ZFPM2: variants seen among roughly 807,000 people sequenced by gnomAD.
ZFPM2 encodes the protein zinc finger protein, FOG family member 2.
A neutral mutation model predicts 98.6 loss-of-function variants in ZFPM2; 20 were observed. The ratio of observed to expected loss-of-function variants is 0.20; its 90% CI spans 0.14 to 0.29. The LOEUF is 0.29. Ranked by LOEUF, ZFPM2 falls within the 10% of genes least tolerant of loss-of-function variation. ZFPM2 has a pLI of 1.00. For synonymous variants in ZFPM2, 518 were observed against 502.7 expected (o/e 1.03, Z -0.41); for missense variants, 1,310 against 1,388.6 (o/e 0.94, Z 0.90).
At chr8:105,735,932 T>G (rs1812060258) in intron 5 of ZFPM2, among the ~76,000 whole-genome samples, 3 of 152,006 alleles carry the variant, frequency 2.0e-5, no homozygotes, top group Admixed American at 2.0e-4. Context: ...TAGCTCCTTT[T>G]CAAAAATTTA....
At chr8:105,444,087 A>G (rs1264356586) in intron 2 of ZFPM2, among the ~76,000 whole-genome samples, 193 bp from the exon 3 acceptor site, 2 of 152,232 alleles carry the variant, frequency 1.3e-5, no homozygotes, top group Non-Finnish European at 2.9e-5. Flanking sequence ...TTTATTGATA[A>G]CAAATACTGA....
intron 1 of ZFPM2, among the ~76,000 whole-genome samples, chr8:105,404,874 C>G (rs1811410639): frequency 6.6e-6 from 1 of 151,996 alleles, no homozygotes; most frequent in Admixed American, 6.6e-5. Context: ...TAAGTAAAAA[C>G]AAATCCAAAA....
intron 5 of ZFPM2, among the ~76,000 whole-genome samples, chr8:105,785,772 G>A (rs1813396740): frequency 6.6e-6 from 1 of 151,876 alleles, no homozygotes; most frequent in South Asian, 2.1e-4. Context: ...GCCGGGCTTG[G>A]TGGCTCACGC....
intron 4 of ZFPM2, among the ~76,000 whole-genome samples, chr8:105,630,672 AC>A (rs1397322348): frequency 6.6e-6 from 1 of 152,210 alleles, no homozygotes; most frequent in African/African-American, 2.4e-5. Flanking sequence ...TGAATTGATT[AC>A]TTTTATATTT....
chr8:105,455,017 G>T (rs1195566009), intron 3 of ZFPM2, among the ~76,000 whole-genome samples: 1 of 152,146 alleles, frequency 6.6e-6, no homozygotes, highest in African/African-American at 2.4e-5. Flanking sequence ...CTGGGATTTG[G>T]TACAAGTTGA....
chr8:105,382,943 T>C (rs1467363106), intron 1 of ZFPM2, among the ~76,000 whole-genome samples: 3 of 152,132 alleles, frequency 2.0e-5, no homozygotes, highest in Non-Finnish European at 2.9e-5. Flanking sequence ...TTTGGAAATC[T>C]AATATCTAGT....
chr8:105,662,962 C>G (rs1050961143), intron 5 of ZFPM2: 3 of 152,054 alleles, frequency 2.0e-5, no homozygotes, highest in Non-Finnish European at 4.4e-5. Flanking sequence ...AGACAACACT[C>G]GAAGAATGTT....
chr8:105,336,317 A>G (rs576236838), intron 1 of ZFPM2, among the ~76,000 whole-genome samples: 1 of 151,768 alleles, frequency 6.6e-6, no homozygotes, highest in Non-Finnish European at 1.5e-5. Context: ...TAAATCGTTT[A>G]GAACAGCACC....
intron 2 of ZFPM2, among the ~76,000 whole-genome samples, chr8:105,435,016 A>G (rs144190345): frequency 2.6e-5 from 4 of 152,166 alleles, no homozygotes; most frequent in East Asian, 1.9e-4. Flanking sequence ...TGCTTTTACT[A>G]TCTTACCAAC....
At chr8:105,602,264 T>G (rs1816108162) in intron 4 of ZFPM2, among the ~76,000 whole-genome samples, 1 of 152,070 alleles carries the variant, frequency 6.6e-6, no homozygotes, top group Admixed American at 6.6e-5. Context: ...TTGGTGACAA[T>G]ATAAACTGCC....
chr8:105,521,996 CAAATG>C (rs1349707439), intron 3 of ZFPM2, among the ~76,000 whole-genome samples: 2 of 152,238 alleles, frequency 1.3e-5, no homozygotes, highest in Non-Finnish European at 2.9e-5. Context: ...TAAAAAAAGA[CAAATG>C]AAAGAGTAGT....
At chr8:105,592,172 A>G (rs1255575550) in intron 4 of ZFPM2, among the ~76,000 whole-genome samples, 1 of 152,108 alleles carries the variant, frequency 6.6e-6, no homozygotes, top group East Asian at 1.9e-4. Context: ...AAGCAAAACT[A>G]TCAAAAGGTC....
chr8:105,523,737 C>A (rs1814111874), intron 3 of ZFPM2, among the ~76,000 whole-genome samples: 1 of 152,174 alleles, frequency 6.6e-6, no homozygotes, highest in South Asian at 2.1e-4. Context: ...ATACCACAGG[C>A]ATTTAGTTGC....
chr8:105,337,448 A>G (rs1453879689), intron 1 of ZFPM2, among the ~76,000 whole-genome samples: 2 of 151,822 alleles, frequency 1.3e-5, no homozygotes, highest in African/African-American at 2.4e-5. Flanking sequence ...TTTCATATAC[A>G]TAGAATTTGG....
intron 5 of ZFPM2, among the ~76,000 whole-genome samples, chr8:105,664,632 G>T (rs1158904100): frequency 6.6e-6 from 1 of 152,124 alleles, no homozygotes; most frequent in Non-Finnish European, 1.5e-5. Context: ...ACCGCACCTG[G>T]CCATAAAATT....
intron 5 of ZFPM2, among the ~76,000 whole-genome samples, chr8:105,757,069 A>G (rs536018179): frequency 1.3e-5 from 2 of 152,324 alleles, no homozygotes; most frequent in African/African-American, 4.8e-5. Flanking sequence ...CAGTAATGCT[A>G]TAGCCAATAA....
At chr8:105,411,804 C>T (rs893436430) in intron 1 of ZFPM2, among the ~76,000 whole-genome samples, 2 of 151,764 alleles carry the variant, frequency 1.3e-5, no homozygotes, top group African/African-American at 2.4e-5. Context: ...TACTAATGAA[C>T]TGAATTTTCT....
At chr8:105,730,771 TTTTTC>T (rs967599134) in intron 5 of ZFPM2, among the ~76,000 whole-genome samples, 8 of 123,286 alleles carry the variant, frequency 6.5e-5, no homozygotes, top group African/African-American at 2.9e-4. Flanking sequence ...AACTTTTTCT[TTTTTC>T]TTTTTTTTTT....
At chr8:105,610,054 A>G (rs1314118913) in intron 4 of ZFPM2, among the ~76,000 whole-genome samples, 3 of 152,136 alleles carry the variant, frequency 2.0e-5, no homozygotes, top group South Asian at 2.1e-4. Context: ...GAGCAATGCA[A>G]TTATGAATTT....
Sources: allele counts gnomAD v4.1 joint callset (sites outside exome capture counted in the v4.1 genomes callset), GRCh38; gene constraint gnomAD v4.1.1; transcripts MANE v1.5; gene names NCBI Gene and HGNC (gene_info 2026-07-23, HGNC 2026-07-21).